The following NGLY1 variants were observed in gnomAD, a reference collection of about 807,000 sequenced individuals.
The protein encoded by NGLY1 is N-glycanase 1.
Under a neutral mutation model 84.6 loss-of-function variants are expected in NGLY1, and 68 were observed. That is an observed-to-expected ratio of 0.80 (90% CI 0.66 to 0.98). The LOEUF is 0.98. Ranked by LOEUF, NGLY1 falls within the 50% of genes least tolerant of loss-of-function variation. The pLI, the probability that NGLY1 is intolerant of heterozygous loss-of-function variation, is 0.00. For missense variants in NGLY1, 779 were observed against 770.2 expected (o/e 1.01, Z -0.14); for synonymous variants, 280 against 275.2 (o/e 1.02, Z -0.17).
In NGLY1 at chr3:25,730,635, T is replaced by C. The variant is rs540541349; in HGVS notation, c.1426-1317A>G. The stretch of plus-strand genomic sequence containing the variant: ...CATTGGCAGTGATTTGAATTATTTG[T>C]TGAATTTGGATCTTGTAATCCTATG... On this transcript the variant is annotated intron_variant, in intron 9 of 11. Transcript: ENST00000280700. 3 of 152,270 alleles carry C rather than the reference T, an allele frequency of 2.0e-5. No individual in the cohort carries two copies. In the South Asian group the frequency reaches 6.2e-4, roughly 32 times the overall value. 9.4% of individuals were successfully genotyped at this position (152,270 alleles called of 1,614,324 possible). A position where few individuals can be genotyped will look rare whatever the true frequency, so the allele number is the denominator to read the frequency against.
chr3:25,740,601 G>A (rs1439345341), intron 4 of NGLY1, among the ~76,000 whole-genome samples: 1 of 151,656 alleles, frequency 6.6e-6, no homozygotes, highest in Admixed American at 6.6e-5. Flanking sequence ...ATCTAATAAA[G>A]CTTGATGTTG....
intron 10 of NGLY1, among the ~76,000 whole-genome samples, chr3:25,722,251 A>T (rs1705034379): frequency 7.2e-6 from 1 of 139,452 alleles, no homozygotes; most frequent in East Asian, 2.1e-4. Flanking sequence ...TTTAGTAAAT[A>T]TTATTAAAGA....
At chr3:25,729,368 AAG>A in intron 9 of NGLY1, 50 bp from the exon 10 acceptor site, 1 of 1,190,126 alleles carries the variant, frequency 8.4e-7, no homozygotes, top group Non-Finnish European at 1.1e-6. Context: ...AGATGTAAAA[AAG>A]AAAAAAGAGA....
intron 10 of NGLY1, among the ~76,000 whole-genome samples, chr3:25,727,419 G>A (rs535899979): frequency 3.9e-5 from 6 of 151,994 alleles, no homozygotes; most frequent in Non-Finnish European, 8.8e-5. Flanking sequence ...CTTGAAATAC[G>A]CCACGTACTC....
chr3:25,768,226 C>T (rs1028338847), intron 2 of NGLY1, among the ~76,000 whole-genome samples: 34 of 150,782 alleles, frequency 2.3e-4, no homozygotes, highest in Admixed American at 3.3e-4. Flanking sequence ...AGTTCAATAC[C>T]AGCCTGGCCA....
intron 10 of NGLY1, among the ~76,000 whole-genome samples, chr3:25,728,765 C>T (rs1158798246): frequency 6.6e-6 from 1 of 152,014 alleles, no homozygotes; most frequent in East Asian, 1.9e-4. Flanking sequence ...AATCAATACA[C>T]ATCTGTGAAG....
At chr3:25,778,034 TTAA>T (rs1436894612) in intron 2 of NGLY1, among the ~76,000 whole-genome samples, 5 of 152,220 alleles carry the variant, frequency 3.3e-5, no homozygotes, top group South Asian at 4.1e-4. Flanking sequence ...ATTCAGAATC[TTAA>T]TAACTACTTT....
intron 3 of NGLY1, among the ~76,000 whole-genome samples, chr3:25,760,166 TATAA>T (rs535451855): frequency 6.0e-4 from 91 of 152,278 alleles, no homozygotes; most frequent in African/African-American, 2.1e-3. Flanking sequence ...TACTCAATAG[TATAA>T]ATAATATGAA....
At chr3:25,787,789 C>T (rs561618211), upstream of NGLY1, among the ~76,000 whole-genome samples, 4 of 152,340 alleles carry the variant, frequency 2.6e-5, no homozygotes, top group South Asian at 4.1e-4. Flanking sequence ...GCCTTACTCT[C>T]ATGCGTTTAC....
chr3:25,751,193 G>T lies in NGLY1; in HGVS notation c.563C>A (p.Pro188His). The T allele has an allele frequency of 6.2e-7, 1 of 1,613,510 alleles. No homozygotes were observed. The highest frequency in any genetic ancestry group is 8.5e-7 in the Non-Finnish European group (1 of 1,179,796). Residue 188 changes from proline to histidine, a missense_variant, in exon 4 of 12, where the codon CCT (proline) becomes CAT (histidine). By Grantham distance (77) the Pro-to-His change is moderately conservative. Transcript: ENST00000280700. Reference sequence around the variant, plus strand: ...AGCCAACGCTTTCTCCTGAAGAGCAGGATTTTCATAGACCAGCACATGCTG... The same window carrying T: ...AGCCAACGCTTTCTCCTGAAGAGCATGATTTTCATAGACCAGCACATGCTG... ...NIQHVLVYEN[P>H]ALQEKALACI...
intron 2 of NGLY1, among the ~76,000 whole-genome samples, chr3:25,768,438 A>T (rs1707724110): frequency 6.6e-6 from 1 of 151,804 alleles, no homozygotes; most frequent in Admixed American, 6.6e-5. Context: ...AAAAAAAAAA[A>T]AGATGGATTA....
At chr3:25,787,175 G>C (rs570260768), upstream of NGLY1, among the ~76,000 whole-genome samples, 13 of 152,346 alleles carry the variant, frequency 8.5e-5, no homozygotes, top group Middle Eastern at 3.4e-3. Flanking sequence ...AAATTTCACT[G>C]TGGGCTGCAG....
At chr3:25,727,117 T>C (rs1705304660) in intron 10 of NGLY1, among the ~76,000 whole-genome samples, 1 of 152,160 alleles carries the variant, frequency 6.6e-6, no homozygotes, top group African/African-American at 2.4e-5. Context: ...GAACCAGAAA[T>C]ACTGATTTAG....
At chr3:25,781,337 A>G (rs557843115) in intron 1 of NGLY1, among the ~76,000 whole-genome samples, 1 of 152,258 alleles carries the variant, frequency 6.6e-6, no homozygotes, top group African/African-American at 2.4e-5. Flanking sequence ...TCCAGCAATG[A>G]CAGTCACATC....
intron 3 of NGLY1, chr3:25,754,788 C>T (rs73820582): frequency 0.022 from 6,131 of 275,178 alleles, 385 homozygotes; most frequent in African/African-American, 0.14. Flanking sequence ...ATGACTCGTG[C>T]TTTTTTTTTT....
intron 2 of NGLY1, among the ~76,000 whole-genome samples, chr3:25,777,166 C>T (rs1462352000): frequency 1.3e-5 from 2 of 152,210 alleles, no homozygotes; most frequent in Non-Finnish European, 1.5e-5. Context: ...GAGGCCAAGG[C>T]GGGCGGATCG....
chr3:25,761,573 G>T (rs1464176493), intron 3 of NGLY1, among the ~76,000 whole-genome samples: 1 of 152,156 alleles, frequency 6.6e-6, no homozygotes, highest in Non-Finnish European at 1.5e-5. Flanking sequence ...GGTTGGTGAG[G>T]ATACTAAGAA....
chr3:25,765,926 T>G (rs1338799549), intron 2 of NGLY1, among the ~76,000 whole-genome samples: 2 of 152,066 alleles, frequency 1.3e-5, no homozygotes, highest in African/African-American at 4.8e-5. Context: ...GACAGGGGTC[T>G]CACTCTTTTG....
chr3:25,746,996 C>T (rs569351222), intron 4 of NGLY1, among the ~76,000 whole-genome samples: 1 of 152,146 alleles, frequency 6.6e-6, no homozygotes, highest in Non-Finnish European at 1.5e-5. Context: ...CAAATTAGCC[C>T]GGCTAATTTT....
Sources: allele counts gnomAD v4.1 joint callset (sites outside exome capture counted in the v4.1 genomes callset), GRCh38; gene constraint gnomAD v4.1.1; transcripts MANE v1.5; gene names NCBI Gene and HGNC (gene_info 2026-07-23, HGNC 2026-07-21).